Variants in ALCAM observed in about 807,000 individuals in gnomAD.
ALCAM encodes the protein activated leukocyte cell adhesion molecule.
Under a neutral mutation model 70.9 loss-of-function variants are expected in ALCAM, and 30 were observed. That is an observed-to-expected ratio of 0.42 (90% CI 0.32 to 0.57). The LOEUF is 0.57. Ranked by LOEUF, ALCAM falls within the 20% of genes least tolerant of loss-of-function variation. The probability of loss-of-function intolerance (pLI) is 0.11; values close to 1 mark genes in which losing one functional copy is unlikely to be tolerated. For synonymous variants in ALCAM, 249 were observed against 242.5 expected, an observed-to-expected ratio of 1.03 and a Z score of -0.25; for missense variants, 591 against 695.1, an observed-to-expected ratio of 0.85 and a Z score of 1.68.
At chr3:105,472,287 CATAGAA>C (rs1937957342) in intron 1 of ALCAM, among the ~76,000 whole-genome samples, 1 of 151,436 alleles carries the variant, frequency 6.6e-6, no homozygotes, top group East Asian at 1.9e-4. Flanking sequence ...AGGCAATATA[CATAGAA>C]ATCACTAATA....
intron 1 of ALCAM, among the ~76,000 whole-genome samples, chr3:105,482,556 A>G (rs772178897): frequency 9.9e-5 from 15 of 152,200 alleles, no homozygotes; most frequent in Non-Finnish European, 1.6e-4. Context: ...AATAAATTAT[A>G]TAAAAACCAC....
At position 105,367,275 on chromosome 3, in the gene ALCAM, G is replaced by A; in HGVS notation, c.-134G>A. On this transcript the variant is annotated 5_prime_UTR_variant, in exon 1 of 16. Transcript: ENST00000306107. ...ACCGAAGGTGCAGCGCCACAGCCCA[G>A]GGGACGGTGTGTCTGGGAGAAGACG... The A allele has an allele frequency of 1.2e-6, 1 of 814,894 alleles. No individual in the cohort carries two copies. The highest frequency in any genetic ancestry group is 2.0e-6 in the Non-Finnish European group (1 of 505,118). 50.5% of individuals were successfully genotyped at this position (814,894 alleles called of 1,614,324 possible).
intron 1 of ALCAM, among the ~76,000 whole-genome samples, chr3:105,513,737 A>T (rs1939301943): frequency 6.6e-6 from 1 of 151,990 alleles, no homozygotes; most frequent in South Asian, 2.1e-4. Flanking sequence ...CTTATAATTT[A>T]AAAATGGCCC....
chr3:105,407,266 C>CA lies in ALCAM; in HGVS notation c.73+39795dup, dbSNP rs34938740. Among the ~76,000 whole-genome samples the CA allele has an allele frequency of 4.3e-4, 64 of 150,144 alleles. 1 individual carries two copies. Among genetic ancestry groups the CA allele is most frequent in the Non-Finnish European group, 2.7e-4 (18 of 67,382 alleles). ...GACATAACAACAACAGCAACAACAA[C>CA]AAAAAAAAAACAACAGATCAGTATC... On this transcript the variant is annotated intron_variant, in intron 1 of 15. Coordinates refer to ENST00000306107, the MANE Select transcript of ALCAM (RefSeq NM_001627.4).
At chr3:105,547,052 T>C in intron 9 of ALCAM, 97 bp from the exon 10 acceptor site, 1 of 1,018,510 alleles carries the variant, frequency 9.8e-7, no homozygotes, top group Admixed American at 2.9e-5. Flanking sequence ...ATTTATATTA[T>C]TCCCAGAAGA....
rs1940689186 is a variant in ALCAM, at chr3:105,563,973, C to A, written c.1665-7879C>A. On this transcript the variant is annotated intron_variant, in intron 14 of 15. Coordinates refer to ENST00000306107, the MANE Select transcript of ALCAM (RefSeq NM_001627.4). ...AAGTGCTGGGACTACAGGCGTGAGCCACCGCGCCCGGCCCATTTCTTATTT... is the reference window on the plus strand; with the variant it reads ...AAGTGCTGGGACTACAGGCGTGAGCAACCGCGCCCGGCCCATTTCTTATTT... Among the ~76,000 whole-genome samples the A allele has an allele frequency of 3.9e-5, 6 of 151,948 alleles. No individual in the cohort carries two copies. The South Asian group carries it at 1.2e-3, about 32-fold the overall frequency.
intron 1 of ALCAM, among the ~76,000 whole-genome samples, chr3:105,503,349 GTT>G (rs935965169): frequency 5.3e-5 from 8 of 152,312 alleles, no homozygotes; most frequent in African/African-American, 1.9e-4. Flanking sequence ...GGTATTAGCT[GTT>G]TTTCATGTGA....
intron 1 of ALCAM, among the ~76,000 whole-genome samples, chr3:105,447,024 A>G (rs1204115281): frequency 1.3e-5 from 2 of 152,192 alleles, no homozygotes; most frequent in African/African-American, 2.4e-5. Context: ...CGCCACAAAA[A>G]AAAATGATAA....
intron 1 of ALCAM, among the ~76,000 whole-genome samples, chr3:105,495,095 T>A (rs1418029957): frequency 2.0e-5 from 3 of 152,204 alleles, no homozygotes; most frequent in African/African-American, 7.2e-5. Context: ...GAGAGAGATC[T>A]TTTTGCCCGG....
intron 1 of ALCAM, among the ~76,000 whole-genome samples, chr3:105,495,111 T>C (rs1286732399): frequency 6.6e-6 from 1 of 152,200 alleles, no homozygotes; most frequent in Admixed American, 6.5e-5. Flanking sequence ...CCCGGAAGCT[T>C]TGAACATTTT....
chr3:105,561,728 A>G (rs1940634336), intron 14 of ALCAM, among the ~76,000 whole-genome samples: 1 of 152,162 alleles, frequency 6.6e-6, no homozygotes, highest in Non-Finnish European at 1.5e-5. Context: ...GGAAAGATTC[A>G]CAGAACTTAC....
At chr3:105,476,390 C>T (rs960367520) in intron 1 of ALCAM, among the ~76,000 whole-genome samples, 21 of 152,026 alleles carry the variant, frequency 1.4e-4, no homozygotes, top group African/African-American at 4.6e-4. Flanking sequence ...AATCAAAACA[C>T]TTCACTCATG....
At chr3:105,383,856 G>C (rs1022287295) in intron 1 of ALCAM, among the ~76,000 whole-genome samples, 1 of 151,652 alleles carries the variant, frequency 6.6e-6, no homozygotes, top group Non-Finnish European at 1.5e-5. Context: ...GATAATTGTA[G>C]ACATACATTC....
At chr3:105,461,229 G>A (rs1171056918) in intron 1 of ALCAM, among the ~76,000 whole-genome samples, 1 of 151,814 alleles carries the variant, frequency 6.6e-6, no homozygotes, top group Non-Finnish European at 1.5e-5. Context: ...AAGAATGCAG[G>A]CCAGTGTGAC....
chr3:105,437,601 TATA>T (rs1296358441), intron 1 of ALCAM, among the ~76,000 whole-genome samples: 1 of 152,098 alleles, frequency 6.6e-6, no homozygotes, highest in African/African-American at 2.4e-5. Flanking sequence ...TCCAATTAGC[TATA>T]ATATTTAAGA....
intron 1 of ALCAM, among the ~76,000 whole-genome samples, chr3:105,437,912 C>A (rs1937087287): frequency 6.6e-6 from 1 of 151,948 alleles, no homozygotes; most frequent in Admixed American, 6.6e-5. Context: ...ATATTTTTAT[C>A]AATCTTAAAT....
At position 105,532,609 on chromosome 3, in the gene ALCAM, G is replaced by GA. The variant is rs574526877; in HGVS notation, c.459+549dup. Among the ~76,000 whole-genome samples, 1,236 of 152,042 alleles carry GA rather than the reference G, an allele frequency of 8.1e-3. 13 individuals carry two copies. Among genetic ancestry groups the GA allele is most frequent in the South Asian group, 0.019 (93 of 4,810 alleles). Reference sequence around the variant, plus strand: ...GGACGACAGAGCCAGACCCTGTGTAGAAAAAATATATAGAGAGAATGATGA... The same window carrying GA: ...GGACGACAGAGCCAGACCCTGTGTAGAAAAAAATATATAGAGAGAATGATGA... On this transcript the variant is annotated intron_variant, in intron 4 of 15. Coordinates refer to ENST00000306107, the MANE Select transcript of ALCAM (RefSeq NM_001627.4).
chr3:105,560,898 C>G (rs1277793697), intron 14 of ALCAM, among the ~76,000 whole-genome samples: 1 of 152,096 alleles, frequency 6.6e-6, no homozygotes, highest in Non-Finnish European at 1.5e-5. Flanking sequence ...TTTGCATGTT[C>G]ATATAAATTT....
intron 1 of ALCAM, among the ~76,000 whole-genome samples, chr3:105,453,304 T>A (rs1444966186): frequency 6.6e-6 from 1 of 152,184 alleles, no homozygotes; most frequent in East Asian, 1.9e-4. Flanking sequence ...TAGCCGGTTT[T>A]CCCAGCACCG....
Sources: gnomAD v4.1 joint callset for allele counts (sites outside exome capture counted in the v4.1 genomes callset) on GRCh38, gnomAD v4.1.1 for gene constraint, MANE v1.5 for transcripts, NCBI Gene and HGNC (gene_info 2026-07-23, HGNC 2026-07-21) for gene names.